The following KCNT1 variants were observed in gnomAD, a reference collection of about 807,000 sequenced individuals.
The protein encoded by KCNT1 is potassium sodium-activated channel subfamily T member 1.
KCNT1 carries 78 observed loss-of-function variants against 147.8 expected under a neutral mutation model. The observed-to-expected ratio is 0.53, with a 90% confidence interval of 0.44 to 0.64. KCNT1 has a LOEUF of 0.64. Ranked by LOEUF, KCNT1 falls within the 30% of genes least tolerant of loss-of-function variation. The probability of loss-of-function intolerance (pLI) is 0.00; values close to 1 mark genes in which losing one functional copy is unlikely to be tolerated. For synonymous variants in KCNT1, 867 were observed against 748.8 expected (o/e 1.16, Z -2.58); for missense variants, 1,419 against 1,750.3 (o/e 0.81, Z 3.38).
chr9:135,767,631 A>C (rs886725236), intron 13 of KCNT1, among the ~76,000 whole-genome samples: 3 of 151,872 alleles, frequency 2.0e-5, no homozygotes, highest in African/African-American at 7.3e-5. Flanking sequence ...GGTACCCCGG[A>C]AGCCAGTGCC....
At chr9:135,769,530 G>A (rs948554410) in intron 15 of KCNT1, among the ~76,000 whole-genome samples, 8 of 152,204 alleles carry the variant, frequency 5.3e-5, no homozygotes, top group African/African-American at 1.9e-4. Flanking sequence ...GTCAGTGAAG[G>A]CAGGGTCAGA....
At chr9:135,757,096 C>CCTG in intron 7 of KCNT1, 60 bp from the exon 8 acceptor site, 1 of 1,026,588 alleles carries the variant, frequency 9.7e-7, no homozygotes, top group Non-Finnish European at 1.5e-6. Context: ...CTGCCCCTCC[C>CCTG]CTGCTGGGCC....
intron 2 of KCNT1, among the ~76,000 whole-genome samples, chr9:135,717,621 G>T (rs980059260): frequency 6.6e-6 from 1 of 152,190 alleles, no homozygotes; most frequent in Non-Finnish European, 1.5e-5. Flanking sequence ...CAGCTCGCCA[G>T]CCGCTGCCCG....
At chr9:135,753,233 A>G (rs550576369) in intron 4 of KCNT1, among the ~76,000 whole-genome samples, 2 of 152,308 alleles carry the variant, frequency 1.3e-5, no homozygotes, top group East Asian at 3.9e-4. Flanking sequence ...CAACCCCATT[A>G]AAAATCAGGG....
At chr9:135,753,153 G>A (rs951703079) in intron 4 of KCNT1, among the ~76,000 whole-genome samples, 1 of 151,978 alleles carries the variant, frequency 6.6e-6, no homozygotes, top group Non-Finnish European at 1.5e-5. Flanking sequence ...GGATGAGTGA[G>A]TGGAAAGATG....
chr9:135,725,568 G>A (rs1836102414), intron 2 of KCNT1, among the ~76,000 whole-genome samples: 2 of 152,214 alleles, frequency 1.3e-5, no homozygotes, highest in South Asian at 4.1e-4. Context: ...CTGGTCTCCA[G>A]AACAGAGAGA....
At chr9:135,774,957 C>T (rs1338331933) in intron 19 of KCNT1, among the ~76,000 whole-genome samples, 1 of 152,166 alleles carries the variant, frequency 6.6e-6, no homozygotes, top group South Asian at 2.1e-4. Context: ...CTCCCCAGCC[C>T]TGGCCTTGCA....
intron 22 of KCNT1, 22 bp from the exon 23 acceptor site, chr9:135,778,666 G>A (rs750801099): frequency 1.2e-5 from 20 of 1,612,954 alleles, no homozygotes; most frequent in Middle Eastern, 1.7e-4. Flanking sequence ...CCTCAGCCAC[G>A]GGCCCTCGGT....
At chr9:135,724,857 C>T (rs1415276211) in intron 2 of KCNT1, among the ~76,000 whole-genome samples, 1 of 152,212 alleles carries the variant, frequency 6.6e-6, no homozygotes, top group East Asian at 1.9e-4. Flanking sequence ...AGCCTGGGCT[C>T]CTGCAGGCAC....
intron 3 of KCNT1, chr9:135,750,419 C>T (rs567178443): frequency 3.4e-5 from 19 of 565,188 alleles, no homozygotes; most frequent in South Asian, 9.8e-5. Context: ...CAGCGGGACT[C>T]GTGGGGACAC....
intron 13 of KCNT1, among the ~76,000 whole-genome samples, chr9:135,766,207 T>C (rs1832267185): frequency 6.6e-6 from 1 of 151,554 alleles, no homozygotes; most frequent in Admixed American, 6.6e-5. Context: ...GGGGGGACCA[T>C]CCAGGGTGGG....
At chr9:135,764,981 C>T (rs1307478761) in intron 11 of KCNT1, 50 bp from the exon 12 acceptor site, 1 of 1,560,898 alleles carries the variant, frequency 6.4e-7, no homozygotes, top group South Asian at 1.2e-5. Flanking sequence ...CACCGGGAGC[C>T]CTCGCTCCCC....
chr9:135,762,617 G>A (rs1831992704), intron 11 of KCNT1, among the ~76,000 whole-genome samples: 1 of 152,026 alleles, frequency 6.6e-6, no homozygotes, highest in African/African-American at 2.4e-5. Flanking sequence ...AGGCATGATG[G>A]CACACAGCTG....
At chr9:135,728,843 C>T (rs932980402) in intron 2 of KCNT1, among the ~76,000 whole-genome samples, 4 of 152,188 alleles carry the variant, frequency 2.6e-5, no homozygotes, top group South Asian at 4.1e-4. Context: ...TCCCACCAGG[C>T]GGGTCCCCCA....
intron 29 of KCNT1, chr9:135,790,375 C>T (rs374518281): frequency 2.6e-4 from 40 of 152,392 alleles, no homozygotes; most frequent in African/African-American, 9.6e-4. Context: ...GAAGACCCCA[C>T]CATGGGTTTT....
At chr9:135,715,457 C>T (rs1835684777) in intron 2 of KCNT1, among the ~76,000 whole-genome samples, 1 of 150,798 alleles carries the variant, frequency 6.6e-6, no homozygotes, top group Non-Finnish European at 1.5e-5. Flanking sequence ...TCTGAGGACT[C>T]ACGCGGAGCT....
intron 6 of KCNT1, 56 bp downstream of exon 6, chr9:135,755,225 G>A (rs1831406399): frequency 1.6e-5 from 24 of 1,505,440 alleles, no homozygotes; most frequent in Non-Finnish European, 2.0e-5. Context: ...TAAGCACTGA[G>A]GACCAACCCA....
At chr9:135,755,100 C>T (rs1564349444) in intron 5 of KCNT1, 21 bp from the exon 6 acceptor site, 2 of 1,603,362 alleles carry the variant, frequency 1.2e-6, no homozygotes, top group African/African-American at 1.3e-5. Context: ...CCCTACTGTG[C>T]TGCCTCCTTT....
chr9:135,722,869 G>C (rs369107253), intron 2 of KCNT1, among the ~76,000 whole-genome samples: 6 of 152,218 alleles, frequency 3.9e-5, no homozygotes, highest in African/African-American at 1.4e-4. Context: ...ATCAGCGGTG[G>C]GGGCTTCAAC....
Sources: allele counts gnomAD v4.1 joint callset (sites outside exome capture counted in the v4.1 genomes callset), GRCh38; gene constraint gnomAD v4.1.1; transcripts MANE v1.5; gene names NCBI Gene and HGNC (gene_info 2026-07-23, HGNC 2026-07-21).